The following NAALADL2 variants were observed in gnomAD, a reference collection of about 807,000 sequenced individuals.
NAALADL2 encodes the protein N-acetylated alpha-linked acidic dipeptidase like 2, also known as inactive N-acetylated-alpha-linked acidic dipeptidase-like protein 2.
Under a neutral mutation model 87.2 loss-of-function variants are expected in NAALADL2, and 76 were observed. The observed-to-expected ratio is 0.87, with a 90% CI of 0.72 to 1.05. The LOEUF is 1.05. Ranked by LOEUF, NAALADL2 falls within the 50% of genes least tolerant of loss-of-function variation. The probability of loss-of-function intolerance (pLI) is 0.00; values close to 1 mark genes in which losing one functional copy is unlikely to be tolerated. For synonymous variants in NAALADL2, 354 were observed against 331.0 expected (o/e 1.07, Z -0.75); for missense variants, 1,089 against 945.8 (o/e 1.15, Z -1.99).
intron 11 of NAALADL2, among the ~76,000 whole-genome samples, chr3:175,669,517 A>G (rs544468278): frequency 6.6e-6 from 1 of 152,206 alleles, no homozygotes; most frequent in East Asian, 1.9e-4. Flanking sequence ...CAAAATTCTT[A>G]TACCTGGTAT....
chr3:174,923,748 A>C (rs1212320084), intron 1 of NAALADL2, among the ~76,000 whole-genome samples: 2 of 152,112 alleles, frequency 1.3e-5, no homozygotes, highest in African/African-American at 4.8e-5. Context: ...TGTAGTCTGG[A>C]TAGGTATAGA....
chr3:175,712,134 A>G (rs543180632), intron 11 of NAALADL2, among the ~76,000 whole-genome samples: 1 of 152,096 alleles, frequency 6.6e-6, no homozygotes, highest in Non-Finnish European at 1.5e-5. Flanking sequence ...TTATGCCTAG[A>G]TAAGAAGGTA....
chr3:174,674,017 A>T (rs1195481155), intron 2 of NAALADL2, among the ~76,000 whole-genome samples: 1 of 152,060 alleles, frequency 6.6e-6, no homozygotes, highest in East Asian at 1.9e-4. Context: ...CAGTTTAGGA[A>T]GAGAAGAGGT....
intron 3 of NAALADL2, among the ~76,000 whole-genome samples, chr3:174,826,041 A>AACG (rs1721952605): frequency 6.6e-6 from 1 of 150,582 alleles, no homozygotes; most frequent in Admixed American, 6.6e-5. Context: ...CAACAACAAC[A>AACG]ACAACAACAA....
intron 1 of NAALADL2, among the ~76,000 whole-genome samples, chr3:175,010,308 C>G (rs890990613): frequency 6.6e-6 from 1 of 152,078 alleles, no homozygotes; most frequent in African/African-American, 2.4e-5. Flanking sequence ...TTTATTTACT[C>G]AAAGCCAATT....
intron 11 of NAALADL2, among the ~76,000 whole-genome samples, chr3:175,713,886 C>G (rs1297532506): frequency 2.0e-5 from 3 of 151,990 alleles, no homozygotes; most frequent in Admixed American, 6.6e-5. Context: ...CTCTAGCCCC[C>G]CACTCCCCAA....
chr3:175,052,233 C>T (rs967797393), intron 1 of NAALADL2, among the ~76,000 whole-genome samples: 2 of 152,176 alleles, frequency 1.3e-5, no homozygotes, highest in Admixed American at 6.5e-5. Flanking sequence ...AGTGGTTTTC[C>T]GCCCTGAGTG....
At chr3:175,559,014 G>T (rs1202567825) in intron 9 of NAALADL2, among the ~76,000 whole-genome samples, 2 of 152,026 alleles carry the variant, frequency 1.3e-5, no homozygotes, top group Non-Finnish European at 2.9e-5. Flanking sequence ...ATTGCTTTGG[G>T]TAGTACGGAC....
In NAALADL2 at chr3:175,412,891, TTTA is replaced by T. The variant is rs58135076; in HGVS notation, c.1091-34302_1091-34300del. Among the ~76,000 whole-genome samples, 635 of 123,004 alleles carry T rather than the reference TTTA, an allele frequency of 5.2e-3. 3 individuals carry two copies. The highest frequency in any genetic ancestry group is 0.019 in the Middle Eastern group (4 of 214). 80.7% of individuals were successfully genotyped at this position (123,004 alleles called of 152,430 possible). A position where few individuals can be genotyped will look rare whatever the true frequency, so the allele number is the denominator to read the frequency against. ...GGAATCAGATTATTTATTTAATTTA[TTTA>T]TTATTATTATTATTATTATTATTAT... On this transcript the variant is annotated intron_variant, in intron 5 of 13. Transcript: ENST00000454872.
At chr3:175,340,023 A>T (rs999308653) in intron 5 of NAALADL2, among the ~76,000 whole-genome samples, 2 of 152,128 alleles carry the variant, frequency 1.3e-5, no homozygotes, top group Non-Finnish European at 2.9e-5. Context: ...TGAGAGTTTC[A>T]TGGGTGTGGC....
At chr3:175,381,141 A>G (rs970370265) in intron 5 of NAALADL2, among the ~76,000 whole-genome samples, 2 of 151,934 alleles carry the variant, frequency 1.3e-5, no homozygotes, top group African/African-American at 4.8e-5. Flanking sequence ...TTAATAAAAT[A>G]TAATTTAGTA....
intron 1 of NAALADL2, among the ~76,000 whole-genome samples, chr3:174,921,039 T>A (rs1230874566): frequency 6.6e-6 from 1 of 152,158 alleles, no homozygotes; most frequent in Non-Finnish European, 1.5e-5. Flanking sequence ...CAAAGATCAC[T>A]GATTACAGAT....
Position 174,853,201 on chromosome 3 carries a change from CAAAAAA to C in NAALADL2, c.-9+115477_-9+115482del, listed in dbSNP as rs34303846. On this transcript the variant is annotated intron_variant, in intron 3 of 3. Coordinates refer to the NAALADL2 transcript ENST00000434257. ...CAACATGGTGAAACCCCGTCTCTACCAAAAAAAAAAAAAAAAAAAAAAAAAAATTAG... is the reference window on the plus strand; with the variant it reads ...CAACATGGTGAAACCCCGTCTCTACCAAAAAAAAAAAAAAAAAAAAATTAG... 2.5e-3 allele frequency among the ~76,000 whole-genome samples: 114 copies of C among 45,618 alleles called. 1 individual carries two copies. The highest frequency in any genetic ancestry group is 9.3e-3 in the African/African-American group (105 of 11,252). 29.9% of individuals were successfully genotyped at this position (45,618 alleles called of 152,430 possible).
intron 9 of NAALADL2, among the ~76,000 whole-genome samples, chr3:175,500,354 T>C (rs910153160): frequency 2.0e-5 from 3 of 152,068 alleles, no homozygotes; most frequent in African/African-American, 4.8e-5. Flanking sequence ...TTTTTATGTG[T>C]AGTGTGGAAA....
intron 13 of NAALADL2, among the ~76,000 whole-genome samples, chr3:175,766,231 T>G (rs545801162): frequency 6.6e-6 from 1 of 152,224 alleles, no homozygotes; most frequent in Non-Finnish European, 1.5e-5. Flanking sequence ...CCCTTCATGT[T>G]TCCGTAAATC....
chr3:175,538,071 GC>G, intron 9 of NAALADL2, among the ~76,000 whole-genome samples: 1 of 152,090 alleles, frequency 6.6e-6, no homozygotes, highest in East Asian at 1.9e-4. Context: ...TGTTATTGTT[GC>G]CATGTGGTTT....
chr3:175,738,404 C>T (rs1180839579), intron 12 of NAALADL2, among the ~76,000 whole-genome samples: 4 of 152,120 alleles, frequency 2.6e-5, no homozygotes, highest in Admixed American at 6.5e-5. Context: ...CATGCCACCA[C>T]ACCCGGCTAA....
At chr3:174,663,355 A>G (rs925554235) in intron 2 of NAALADL2, among the ~76,000 whole-genome samples, 4 of 152,180 alleles carry the variant, frequency 2.6e-5, no homozygotes, top group Non-Finnish European at 5.9e-5. Flanking sequence ...CATTGCTATA[A>G]AGGAAATACC....
chr3:174,946,999 G>T (rs1031933463), intron 1 of NAALADL2, among the ~76,000 whole-genome samples: 3 of 152,262 alleles, frequency 2.0e-5, no homozygotes, highest in African/African-American at 7.2e-5. Flanking sequence ...TTCAAAAGTT[G>T]TGAAGCTAGA....
Sources: allele counts gnomAD v4.1 joint callset (sites outside exome capture counted in the v4.1 genomes callset), GRCh38; gene constraint gnomAD v4.1.1; transcripts MANE v1.5; gene names NCBI Gene and HGNC (gene_info 2026-07-23, HGNC 2026-07-21).